Variants in SEMA3A observed in about 807,000 individuals in gnomAD.
The protein encoded by SEMA3A is semaphorin 3A.
SEMA3A carries 29 observed loss-of-function variants against 97.9 expected under a neutral mutation model. That is an observed-to-expected ratio of 0.30 (90% confidence interval 0.22 to 0.40). SEMA3A has a LOEUF of 0.40. Ranked by LOEUF, SEMA3A falls within the 10% of genes least tolerant of loss-of-function variation. The pLI is 1.00. For synonymous variants in SEMA3A, 321 were observed against 323.7 expected, an observed-to-expected ratio of 0.99 and a Z score of 0.09; for missense variants, 763 against 951.3, an observed-to-expected ratio of 0.80 and a Z score of 2.60.
chr7:84,125,481 C>G (rs1156819343), intron 3 of SEMA3A, among the ~76,000 whole-genome samples: 1 of 152,168 alleles, frequency 6.6e-6, no homozygotes, highest in Non-Finnish European at 1.5e-5. Flanking sequence ...ATGGCAAAAC[C>G]CTGTCTCTAC....
chr7:84,130,869 T>G (rs73175277), intron 2 of SEMA3A, among the ~76,000 whole-genome samples: 5 of 151,942 alleles, frequency 3.3e-5, no homozygotes, highest in Non-Finnish European at 5.9e-5. Context: ...AACATATATA[T>G]GTTTAAAAAC....
intron 2 of SEMA3A, among the ~76,000 whole-genome samples, chr7:84,353,994 G>A (rs1802496613): frequency 6.6e-6 from 1 of 151,124 alleles, no homozygotes; most frequent in Non-Finnish European, 1.5e-5. Context: ...ACACATTAAT[G>A]CTTACTCTGA....
Position 84,005,503 on chromosome 7 carries a change from A to G in SEMA3A, c.1196T>C (p.Val399Ala). The change falls in exon 11 of 17, where the codon GTT becomes GCT. Residue 399 changes from valine to alanine, a missense_variant. Around this residue, in one of 2 missense-constraint regions of SEMA3A, gnomAD observed 678 missense variants for 881.3 expected, o/e 0.77. Coordinates refer to ENST00000265362, the MANE Select transcript of SEMA3A (RefSeq NM_006080.3). Reference protein sequence around the residue: ...FDSTKDLPDDVITFARSHPAM... With the variant: ...FDSTKDLPDDAITFARSHPAM... The stretch of plus-strand genomic sequence containing the variant: ...TGGATGACTTCTTGCAAAGGTTATA[A>G]CATCATCAGGAAGGTCCTTTGTAGA... The G allele has an allele frequency of 6.2e-7, 1 of 1,614,060 alleles. No individual in the cohort carries two copies. Among genetic ancestry groups the G allele is most frequent in the Non-Finnish European group, 8.5e-7 (1 of 1,179,968 alleles).
intron 1 of SEMA3A, among the ~76,000 whole-genome samples, chr7:84,477,073 A>AAT (rs10531036): frequency 0.17 from 23,248 of 140,352 alleles, 2,106 homozygotes; most frequent in Middle Eastern, 0.22. Context: ...AAAAAAAAAA[A>AAT]ATATATATAT....
chr7:84,203,526 A>ATATATATATATATATTTTT (rs372380784), intron 3 of SEMA3A, among the ~76,000 whole-genome samples: 2 of 25,670 alleles, frequency 7.8e-5, no homozygotes, highest in Non-Finnish European at 1.4e-4. Flanking sequence ...ATATATATAT[A>ATATATATATATATATTTTT]TTTTTTTTTT....
intron 2 of SEMA3A, among the ~76,000 whole-genome samples, chr7:84,338,421 C>T (rs1802088427): frequency 6.6e-6 from 1 of 151,906 alleles, no homozygotes; most frequent in Non-Finnish European, 1.5e-5. Context: ...ATTTTTGCAT[C>T]ATCCCACTCT....
chr7:83,989,983 T>A (rs1481789145), intron 12 of SEMA3A, among the ~76,000 whole-genome samples: 1 of 151,948 alleles, frequency 6.6e-6, no homozygotes, highest in African/African-American at 2.4e-5. Flanking sequence ...GCACCTGTTG[T>A]TTCCTGACTT....
At chr7:84,067,808 C>G (rs1223999191) in intron 4 of SEMA3A, among the ~76,000 whole-genome samples, 2 of 150,202 alleles carry the variant, frequency 1.3e-5, no homozygotes, top group East Asian at 2.0e-4. Context: ...AATAGGAACA[C>G]TTTTACACTG....
rs1057330477 is a variant in SEMA3A, at chr7:84,443,535, G to A, written c.-246+48925C>T. Among the ~76,000 whole-genome samples, 3 of 152,164 alleles carry A rather than the reference G, an allele frequency of 2.0e-5. No homozygotes were observed. The East Asian group carries it at 5.8e-4, about 29-fold the overall frequency. ...GAGTAGGAAACAAAAAGTGTCAGAA[G>A]GAGCAAATCAAGACTGTAAGGTGAA... is the stretch of plus-strand genomic sequence containing the variant. On this transcript the variant is annotated intron_variant, in intron 1 of 3. Transcript: ENST00000424555.
intron 12 of SEMA3A, among the ~76,000 whole-genome samples, chr7:83,997,117 A>C (rs907460097): frequency 6.6e-6 from 1 of 152,182 alleles, no homozygotes; most frequent in African/African-American, 2.4e-5. Flanking sequence ...CATTCTGTCA[A>C]GGACACATAA....
intron 1 of SEMA3A, among the ~76,000 whole-genome samples, chr7:84,420,776 T>G (rs1333769370): frequency 6.6e-6 from 1 of 152,092 alleles, no homozygotes; most frequent in Non-Finnish European, 1.5e-5. Context: ...TTTATTTGCC[T>G]AGAGGTGTAT....
At chr7:84,055,001 C>A (rs1337400011) in intron 5 of SEMA3A, among the ~76,000 whole-genome samples, 192 of 148,136 alleles carry the variant, frequency 1.3e-3, no homozygotes, top group Admixed American at 4.7e-3. Context: ...GGGGTGCCTC[C>A]CAGTTAGGCT....
intron 7 of SEMA3A, among the ~76,000 whole-genome samples, chr7:84,012,436 G>GCT (rs1256269623): frequency 6.6e-6 from 1 of 151,990 alleles, no homozygotes; most frequent in African/African-American, 2.4e-5. Context: ...TTAGTATAAT[G>GCT]CTCTCTCTCC....
intron 1 of SEMA3A, among the ~76,000 whole-genome samples, chr7:84,447,126 C>G (rs796832997): frequency 6.6e-6 from 1 of 152,310 alleles, no homozygotes; most frequent in African/African-American, 2.4e-5. Flanking sequence ...GCCAGGTGTG[C>G]ACACATGTGG....
chr7:84,398,007 G>T (rs1803783883), intron 1 of SEMA3A, among the ~76,000 whole-genome samples: 1 of 152,106 alleles, frequency 6.6e-6, no homozygotes, highest in Non-Finnish European at 1.5e-5. Flanking sequence ...TGTGCTAGAT[G>T]ATTTATTTCT....
intron 4 of SEMA3A, among the ~76,000 whole-genome samples, chr7:84,066,827 G>A (rs182341906): frequency 7.9e-5 from 12 of 151,986 alleles, no homozygotes; most frequent in South Asian, 2.1e-4. Flanking sequence ...AATCAATATC[G>A]TGAAAATGGC....
At position 83,977,136 on chromosome 7, in the gene SEMA3A, G is replaced by A. The variant is rs1789181975; in HGVS notation, c.1713C>T (p.His571=). The change falls in exon 15 of 17, where the codon CAC becomes CAT. Residue 571 remains histidine, a synonymous_variant. Transcript: ENST00000265362. The stretch of plus-strand genomic sequence containing the variant: ...AAGATGAAAAATGTGACTTACCATG[G>A]TGTAAGTCTGAACAGTGAGTCAGTG... The part of the protein sequence containing the change: ...GDPLTHCSDL[H]HDNHHGHSPE... 1.9e-6 allele frequency: 3 copies of A among 1,553,742 alleles called. No homozygotes were observed. The highest frequency in any genetic ancestry group is 1.7e-6 in the Non-Finnish European group (2 of 1,145,540).
intron 4 of SEMA3A, among the ~76,000 whole-genome samples, chr7:84,061,999 A>C (rs948630835): frequency 6.6e-6 from 1 of 152,192 alleles, no homozygotes; most frequent in African/African-American, 2.4e-5. Flanking sequence ...TCACTGTTTC[A>C]TATCTCTGAG....
chr7:83,967,103 C>T (rs1262260836), intron 15 of SEMA3A, among the ~76,000 whole-genome samples: 3 of 152,148 alleles, frequency 2.0e-5, no homozygotes, highest in Non-Finnish European at 4.4e-5. Context: ...AGGAACAGAA[C>T]TTTTATTTAA....
Sources: allele counts gnomAD v4.1 joint callset (sites outside exome capture counted in the v4.1 genomes callset), GRCh38; gene constraint gnomAD v4.1.1; regional missense constraint gnomAD v4.1.1; transcripts MANE v1.5; gene names NCBI Gene and HGNC (gene_info 2026-07-23, HGNC 2026-07-21).